The following KCNIP4 variants were observed in gnomAD, a reference collection of about 807,000 sequenced individuals.
KCNIP4 encodes Kv channel-interacting protein 4.
In KCNIP4, 12 loss-of-function variants were observed where a neutral mutation model predicts 34.0. The observed-to-expected ratio is 0.35, with a 90% CI of 0.23 to 0.57. KCNIP4 has a LOEUF of 0.57. Among genes scored for constraint, KCNIP4 ranks in the 20% least tolerant of loss-of-function variants. KCNIP4 has a pLI of 0.83. For synonymous variants in KCNIP4, 124 were observed against 102.2 expected (o/e 1.21, Z -1.29); for missense variants, 238 against 311.7 (o/e 0.76, Z 1.78).
chr4:20,933,044 A>G (rs7668304), intron 1 of KCNIP4, among the ~76,000 whole-genome samples: 21,122 of 151,958 alleles, frequency 0.14, 2,150 homozygotes, highest in African/African-American at 0.3. Context: ...TCAGGAGTTC[A>G]AGACCAGCCT....
At chr4:21,295,918 G>GTGAATGAA (rs3080876) in intron 1 of KCNIP4, among the ~76,000 whole-genome samples, 1,644 of 151,096 alleles carry the variant, frequency 0.011, 29 homozygotes, top group African/African-American at 0.036. Flanking sequence ...CATGCAGTTA[G>GTGAATGAA]TGAATGAATG....
intron 3 of KCNIP4, among the ~76,000 whole-genome samples, chr4:20,816,579 T>G (rs2149439655): frequency 6.6e-6 from 1 of 152,320 alleles, no homozygotes; most frequent in African/African-American, 2.4e-5. Flanking sequence ...TGGGGAAATG[T>G]TTCCAAAGGA....
intron 1 of KCNIP4, among the ~76,000 whole-genome samples, chr4:21,261,186 T>TA (rs1442682392): frequency 2.0e-5 from 3 of 152,100 alleles, no homozygotes; most frequent in African/African-American, 4.8e-5. Context: ...AATAGTTGTG[T>TA]AAAAAACCTT....
chr4:21,938,447 C>G (rs1464183284), intron 1 of KCNIP4, among the ~76,000 whole-genome samples: 2 of 152,156 alleles, frequency 1.3e-5, no homozygotes, highest in African/African-American at 2.4e-5. Context: ...GGGAAGCCCC[C>G]ATGATATGAA....
chr4:20,941,111 T>C lies in KCNIP4; in HGVS notation c.62-58402A>G, dbSNP rs75757901. Among the ~76,000 whole-genome samples the C allele has an allele frequency of 1.1e-4, 17 of 152,334 alleles. No individual in the cohort carries two copies. The East Asian group carries it at 2.9e-3, about 26-fold the overall frequency. ...TCCCCTTTCCCCATGAGAGTTGACA[T>C]GCACCTACTGGATAGGAAAGCCTAA... On this transcript the variant is annotated intron_variant, in intron 1 of 8. Transcript: ENST00000382152.
In KCNIP4 at chr4:21,055,661, C is replaced by T. The variant is rs146375805; in HGVS notation, c.62-172952G>A. On this transcript the variant is annotated intron_variant, in intron 1 of 8. Coordinates refer to ENST00000382152, the MANE Select transcript of KCNIP4 (RefSeq NM_025221.6). ...AGTTCCTATATTTAATTCATTCTCC[C>T]TATTACTAAGTGAAGGAAGACAGTC... Among the ~76,000 whole-genome samples the T allele has an allele frequency of 3.2e-3, 491 of 152,276 alleles. 2 individuals are homozygous for T. The highest frequency in any genetic ancestry group is 0.011 in the African/African-American group (448 of 41,564).
chr4:20,908,755 A>G (rs571145191), intron 1 of KCNIP4, among the ~76,000 whole-genome samples: 14 of 152,326 alleles, frequency 9.2e-5, no homozygotes, highest in Admixed American at 3.3e-4. Context: ...ATAGAGTTGC[A>G]TGGCTTGGGC....
chr4:21,843,824 A>G (rs1723841783), intron 1 of KCNIP4: 1 of 152,138 alleles, frequency 6.6e-6, no homozygotes, highest in Admixed American at 6.6e-5. Context: ...CAGACAGGAT[A>G]GTCTCAAACT....
At chr4:21,716,248 T>C (rs373722157) in intron 1 of KCNIP4, among the ~76,000 whole-genome samples, 2 of 152,272 alleles carry the variant, frequency 1.3e-5, no homozygotes, top group African/African-American at 4.8e-5. Context: ...TTTTAATTTT[T>C]ATTTTTGAGA....
chr4:21,028,401 C>A (rs931803821), intron 1 of KCNIP4, among the ~76,000 whole-genome samples: 1 of 152,188 alleles, frequency 6.6e-6, no homozygotes, highest in African/African-American at 2.4e-5. Context: ...CTTAAAACTG[C>A]ACACATGACC....
intron 1 of KCNIP4, among the ~76,000 whole-genome samples, chr4:21,763,949 A>G (rs1411977735): frequency 6.6e-6 from 1 of 152,094 alleles, no homozygotes; most frequent in Non-Finnish European, 1.5e-5. Context: ...TTTGCTAGGA[A>G]ATGGGTTTCA....
chr4:21,054,155 A>G (rs917872795), intron 1 of KCNIP4, among the ~76,000 whole-genome samples: 6 of 152,196 alleles, frequency 3.9e-5, no homozygotes, highest in African/African-American at 1.2e-4. Context: ...TAGCCAACAC[A>G]ATATTGAAGG....
chr4:20,788,175 T>C (rs75680002), intron 3 of KCNIP4, among the ~76,000 whole-genome samples: 12,736 of 152,184 alleles, frequency 0.084, 626 homozygotes, highest in East Asian at 0.21. Flanking sequence ...TAACAAATAG[T>C]AGTCTAGCAA....
intron 1 of KCNIP4, among the ~76,000 whole-genome samples, chr4:21,018,779 T>A (rs889494259): frequency 6.6e-6 from 1 of 152,200 alleles, no homozygotes; most frequent in African/African-American, 2.4e-5. Context: ...CTGACATGCT[T>A]CTTGGGATAC....
At chr4:21,405,833 ATGT>A (rs1209601339) in intron 1 of KCNIP4, among the ~76,000 whole-genome samples, 1 of 151,952 alleles carries the variant, frequency 6.6e-6, no homozygotes, top group African/African-American at 2.4e-5. Flanking sequence ...CTTTTATTTT[ATGT>A]TATTTATTTT....
intron 1 of KCNIP4, among the ~76,000 whole-genome samples, chr4:21,278,210 A>C (rs569384158): frequency 1.3e-5 from 2 of 152,244 alleles, no homozygotes; most frequent in South Asian, 2.1e-4. Context: ...ATTCTTTGTT[A>C]ACTTTTATTT....
intron 1 of KCNIP4, among the ~76,000 whole-genome samples, chr4:21,937,938 G>A (rs1347638912): frequency 6.6e-6 from 1 of 152,030 alleles, no homozygotes; most frequent in Non-Finnish European, 1.5e-5. Flanking sequence ...CTGTGCTCTT[G>A]ATTGAAATCT....
chr4:21,640,658 A>T (rs1356929755), intron 1 of KCNIP4, among the ~76,000 whole-genome samples: 2 of 152,192 alleles, frequency 1.3e-5, no homozygotes, highest in Non-Finnish European at 2.9e-5. Context: ...ACAGCATTAA[A>T]TTCAGAATCT....
intron 1 of KCNIP4, among the ~76,000 whole-genome samples, chr4:20,926,846 A>G (rs1729947918): frequency 6.6e-6 from 1 of 152,220 alleles, no homozygotes; most frequent in South Asian, 2.1e-4. Context: ...TCTTGCTCAA[A>G]TATTTAGTTT....
Sources: allele counts gnomAD v4.1 joint callset (sites outside exome capture counted in the v4.1 genomes callset), GRCh38; gene constraint gnomAD v4.1.1; transcripts MANE v1.5; gene names NCBI Gene and HGNC (gene_info 2026-07-23, HGNC 2026-07-21).